The following ZDHHC19 variants were observed in gnomAD, a reference collection of about 807,000 sequenced individuals.
The protein encoded by ZDHHC19 is palmitoyltransferase ZDHHC19.
A neutral mutation model predicts 33.9 loss-of-function variants in ZDHHC19; 30 were observed. That is an observed-to-expected ratio of 0.88 (90% CI 0.66 to 1.20). ZDHHC19 has a LOEUF of 1.20. ZDHHC19 is among the 50% of genes most tolerant of loss of function. The probability of loss-of-function intolerance (pLI) is 0.00; values close to 1 mark genes in which losing one functional copy is unlikely to be tolerated. For synonymous variants in ZDHHC19, 178 were observed against 167.6 expected (o/e 1.06, Z -0.48); for missense variants, 364 against 401.1 (o/e 0.91, Z 0.79).
At chr3:196,198,649 C>T (rs1298976843) in intron 6 of ZDHHC19, 140 bp downstream of exon 6, 8 of 1,563,112 alleles carry the variant, frequency 5.1e-6, no homozygotes, top group Non-Finnish European at 6.9e-6. Context: ...GGCCCCAGAG[C>T]TCCCAGTGCC....
intron 5 of ZDHHC19, among the ~76,000 whole-genome samples, chr3:196,200,730 A>G (rs1722275307): frequency 6.7e-6 from 1 of 148,318 alleles, no homozygotes; most frequent in Non-Finnish European, 1.5e-5. Flanking sequence ...GTCCTCACAA[A>G]TTCAAACTCC....
At chr3:196,198,658 C>G in intron 6 of ZDHHC19, 131 bp downstream of exon 6, 1 of 1,572,346 alleles carries the variant, frequency 6.4e-7, no homozygotes, top group Non-Finnish European at 8.6e-7. Flanking sequence ...GCTCCCAGTG[C>G]CCTGGAGAAA....
chr3:196,210,967 C>T (rs903162846), intron 1 of ZDHHC19, among the ~76,000 whole-genome samples: 3 of 151,792 alleles, frequency 2.0e-5, no homozygotes, highest in African/African-American at 7.2e-5. Context: ...CTTTGCACGT[C>T]GGTTCCTGGA....
Position 196,211,359 on chromosome 3 carries a change from C to T in ZDHHC19, c.-44G>A, listed in dbSNP as rs115036824. 11,808 of 1,554,760 alleles carry T rather than the reference C, an allele frequency of 7.6e-3. 424 individuals carry two copies. Among genetic ancestry groups the T allele is most frequent in the African/African-American group, 0.073 (5,335 of 73,102 alleles). On this transcript the variant is annotated 5_prime_UTR_variant, in exon 1 of 8. Transcript: ENST00000296326. ...TCCAGGGGAGGTCAGAGCCACCAGG[C>T]TTCCTCCCCCAGCCCAGCTTCCAGA...
At chr3:196,210,236 G>T (rs576270520) in intron 2 of ZDHHC19, among the ~76,000 whole-genome samples, 2 of 105,946 alleles carry the variant, frequency 1.9e-5, no homozygotes, top group South Asian at 5.5e-4. Context: ...AAGGAAAGAA[G>T]GAAAGAAAGA....
intron 5 of ZDHHC19, among the ~76,000 whole-genome samples, chr3:196,205,156 ATTTACCC>A (rs994356278): frequency 1.3e-5 from 2 of 152,124 alleles, no homozygotes; most frequent in African/African-American, 4.8e-5. Context: ...CCCTTCAAGT[ATTTACCC>A]CAAAGAAATG....
At position 196,210,748 on chromosome 3, in the gene ZDHHC19, A is replaced by G; in HGVS notation, c.147-11T>C. On this transcript the variant is annotated splice_polypyrimidine_tract_variant and intron_variant, in intron 1 of 7. Transcript: ENST00000296326. ...GCCAGCCACCTGCAACTGAGACCAGAGGCAGGCTCGGTCCTGAGCAGGGGC... is the reference window on the plus strand; with the variant it reads ...GCCAGCCACCTGCAACTGAGACCAGGGGCAGGCTCGGTCCTGAGCAGGGGC... 1 of 1,612,614 alleles carries G rather than the reference A, an allele frequency of 6.2e-7. No homozygotes were observed. The highest frequency in any genetic ancestry group is 2.2e-5 in the East Asian group (1 of 44,866).
chr3:196,209,150 A>G, intron 3 of ZDHHC19: 1 of 590,862 alleles, frequency 1.7e-6, no homozygotes, highest in Non-Finnish European at 2.9e-6. Context: ...ACAGATGCGG[A>G]TGCCCTGTGC....
intron 2 of ZDHHC19, 64 bp downstream of exon 2, chr3:196,210,552 A>G (rs1723209242): frequency 1.2e-6 from 2 of 1,607,830 alleles, no homozygotes; most frequent in African/African-American, 2.7e-5. Flanking sequence ...CACTTTAGGA[A>G]TCCCCCCTGC....
At chr3:196,208,636 C>T in intron 3 of ZDHHC19, 76 bp from the exon 4 acceptor site, 1 of 1,517,082 alleles carries the variant, frequency 6.6e-7, no homozygotes, top group East Asian at 2.4e-5. Flanking sequence ...ATCCTGAGGC[C>T]CTCCCCCTGC....
chr3:196,210,811 A>G, intron 1 of ZDHHC19, 74 bp from the exon 2 acceptor site: 2 of 1,549,596 alleles, frequency 1.3e-6, no homozygotes, highest in Non-Finnish European at 8.7e-7. Flanking sequence ...TGGCTTGCTC[A>G]GGTCAGGACC....
intron 5 of ZDHHC19, among the ~76,000 whole-genome samples, chr3:196,200,548 G>A (rs1722233674): frequency 6.7e-6 from 1 of 149,082 alleles, no homozygotes; most frequent in East Asian, 1.9e-4. Flanking sequence ...TAGAGACGGG[G>A]TTTCACCGTG....
chr3:196,210,040 AATTAGCTGGGCGTGGTAGC>A (rs1306366979), intron 2 of ZDHHC19, among the ~76,000 whole-genome samples: 2 of 152,004 alleles, frequency 1.3e-5, no homozygotes, highest in East Asian at 3.9e-4. Flanking sequence ...AAATACAAAA[AATTAGCTGGGCGTGGTAGC>A]ATGCTCCTGT....
At chr3:196,208,101 A>G (rs79649536) in intron 4 of ZDHHC19, among the ~76,000 whole-genome samples, 11,915 of 151,474 alleles carry the variant, frequency 0.079, 541 homozygotes, top group Middle Eastern at 0.17. Flanking sequence ...GACGGGGTCT[A>G]TGTTGCCCAG....
rs1723296553 is a variant in ZDHHC19 at position 196,211,385 on chromosome 3, G to A, written c.-70C>T. 1 of 1,522,078 alleles carries A rather than the reference G, an allele frequency of 6.6e-7. No homozygotes were observed. Among genetic ancestry groups the A allele is most frequent in the Non-Finnish European group, 8.8e-7 (1 of 1,134,018 alleles). 94.3% of individuals were successfully genotyped at this position (1,522,078 alleles called of 1,614,324 possible). ...TTCCTCCCCCAGCCCAGCTTCCAGAGCTCCATGGCCACGGCAGCCTCAGAG... is the reference window on the plus strand; with the variant it reads ...TTCCTCCCCCAGCCCAGCTTCCAGAACTCCATGGCCACGGCAGCCTCAGAG... On this transcript the variant is annotated 5_prime_UTR_variant, in exon 1 of 8. Transcript: ENST00000296326.
Position 196,203,867 on chromosome 3 carries a change from C to T in ZDHHC19, c.687+3531G>A, listed in dbSNP as rs1248995343. ...GTGTGGTGGAGTGATTGAAGGGTGACTGGGATGGGAGGTGGTGGGCAGAGA... is the reference window on the plus strand; with the variant it reads ...GTGTGGTGGAGTGATTGAAGGGTGATTGGGATGGGAGGTGGTGGGCAGAGA... On this transcript the variant is annotated intron_variant, in intron 5 of 7. Transcript: ENST00000296326. The surrounding 1 kb of genome is among the most constrained non-coding windows in gnomAD (Gnocchi z 4.3). Among the ~76,000 whole-genome samples, 1 of 152,076 alleles carries T rather than the reference C, an allele frequency of 6.6e-6. No individual in the cohort carries two copies. The highest frequency in any genetic ancestry group is 1.5e-5 in the Non-Finnish European group (1 of 68,016).
intron 5 of ZDHHC19, among the ~76,000 whole-genome samples, 160 bp downstream of exon 5, chr3:196,207,235 CGGA>C (rs1018233998): frequency 2.0e-5 from 3 of 152,180 alleles, no homozygotes; most frequent in African/African-American, 7.2e-5. Context: ...ACTGAGCTCC[CGGA>C]GGAGGCGAGA....
rs10690373 is a variant in ZDHHC19 at position 196,210,346 on chromosome 3, GAGAA to G, written c.268+266_268+269del. Among the ~76,000 whole-genome samples, 89 of 78,034 alleles carry G rather than the reference GAGAA, an allele frequency of 1.1e-3. 3 individuals carry two copies. In the South Asian group the frequency reaches 0.026, roughly 23 times the overall value. 51.2% of individuals were successfully genotyped at this position (78,034 alleles called of 152,430 possible). ...GAAGGAAAGAAAGAAAGAAAGAAAA[GAGAA>G]AGAAAGAAAGAAGGAAGGAAGGAAA... On this transcript the variant is annotated intron_variant, in intron 2 of 7. Coordinates refer to ENST00000296326, the MANE Select transcript of ZDHHC19 (RefSeq NM_001039617.2).
intron 5 of ZDHHC19, chr3:196,199,605 C>A: frequency 6.5e-6 from 1 of 154,816 alleles, no homozygotes; most frequent in East Asian, 1.9e-4. Context: ...CGCATCCTTG[C>A]ACTATTTGAG....
Sources: gnomAD v4.1 joint callset for allele counts (sites outside exome capture counted in the v4.1 genomes callset) on GRCh38, gnomAD v4.1.1 for gene constraint, Gnocchi (gnomAD v3.1) non-coding constraint, MANE v1.5 for transcripts, NCBI Gene and HGNC (gene_info 2026-07-23, HGNC 2026-07-21) for gene names.